CDK8: variants seen among roughly 807,000 people sequenced by gnomAD.
CDK8 encodes cyclin dependent kinase 8.
A neutral mutation model predicts 71.5 loss-of-function variants in CDK8; 29 were observed. The observed-to-expected ratio is 0.41, with a 90% CI of 0.30 to 0.55. The LOEUF is 0.55. Among genes scored for constraint, CDK8 ranks in the 20% least tolerant of loss-of-function variants. The pLI is 0.37. For missense variants in CDK8, 288 were observed against 572.6 expected (o/e 0.50, Z 5.07); for synonymous variants, 161 against 192.1 (o/e 0.84, Z 1.34).
At chr13:26,358,990 G>T (rs1245543514) in intron 4 of CDK8, 1 of 280,424 alleles carries the variant, frequency 3.6e-6, no homozygotes, top group Non-Finnish European at 7.2e-6. Flanking sequence ...TTGTGCCACT[G>T]CACTTCAGCC....
At chr13:26,345,896 G>A in intron 2 of CDK8, among the ~76,000 whole-genome samples, 1 of 152,178 alleles carries the variant, frequency 6.6e-6, no homozygotes, top group East Asian at 1.9e-4. Flanking sequence ...TATGCTAGGA[G>A]CTGGCCATGC....
chr13:26,355,858 A>C (rs1873874855), intron 4 of CDK8, among the ~76,000 whole-genome samples: 1 of 152,064 alleles, frequency 6.6e-6, no homozygotes, highest in African/African-American at 2.4e-5. Context: ...TTTTCTTGTA[A>C]ATTTTTTTTT....
intron 4 of CDK8, among the ~76,000 whole-genome samples, chr13:26,377,475 T>A (rs865829320): frequency 2.0e-5 from 3 of 152,354 alleles, no homozygotes; most frequent in Middle Eastern, 3.4e-3. Flanking sequence ...AAGTTAGGTG[T>A]TTATAAGTAA....
At chr13:26,361,325 A>G (rs1279579654) in intron 4 of CDK8, among the ~76,000 whole-genome samples, 8 of 152,188 alleles carry the variant, frequency 5.3e-5, no homozygotes, top group Non-Finnish European at 1.2e-4. Context: ...ATTACTTGTC[A>G]TAATATATTT....
chr13:26,339,198 A>G (rs1407994774), intron 2 of CDK8, among the ~76,000 whole-genome samples: 1 of 151,956 alleles, frequency 6.6e-6, no homozygotes, highest in East Asian at 1.9e-4. Context: ...ATCTGTACCC[A>G]CTGATTGTGA....
At chr13:26,368,531 C>T (rs9581653) in intron 4 of CDK8, among the ~76,000 whole-genome samples, 15,546 of 152,138 alleles carry the variant, frequency 0.1, 2,602 homozygotes, top group African/African-American at 0.35. Flanking sequence ...ACCACGGAGG[C>T]TGAGACACAT....
chr13:26,299,175 C>T (rs1001165970), intron 1 of CDK8, among the ~76,000 whole-genome samples: 1 of 152,124 alleles, frequency 6.6e-6, no homozygotes, highest in African/African-American at 2.4e-5. Flanking sequence ...ATTGTTACTT[C>T]CTTAGGAAGG....
chr13:26,264,065 A>G (rs1365245425), intron 1 of CDK8, among the ~76,000 whole-genome samples: 3 of 152,194 alleles, frequency 2.0e-5, no homozygotes, highest in Non-Finnish European at 4.4e-5. Flanking sequence ...CTTTAAGTAA[A>G]TGAGTCTCCT....
chr13:26,289,059 T>G (rs2137897997), intron 1 of CDK8, among the ~76,000 whole-genome samples: 1 of 143,786 alleles, frequency 7.0e-6, no homozygotes, highest in East Asian at 2.0e-4. Flanking sequence ...TAGTTTTTTT[T>G]TTTTTTTTTT....
chr13:26,265,530 A>G (rs893592242), intron 1 of CDK8, among the ~76,000 whole-genome samples: 5 of 152,212 alleles, frequency 3.3e-5, no homozygotes, highest in African/African-American at 1.2e-4. Flanking sequence ...TTTATAAGGA[A>G]GACGGTGCTG....
At chr13:26,283,653 A>G (rs1022031619) in intron 1 of CDK8, among the ~76,000 whole-genome samples, 1 of 151,936 alleles carries the variant, frequency 6.6e-6, no homozygotes, top group Admixed American at 6.6e-5. Flanking sequence ...TAATCCCAGC[A>G]CTTTGGGAGG....
chr13:26,376,658 T>G (rs1250942320), intron 4 of CDK8, among the ~76,000 whole-genome samples: 2 of 152,186 alleles, frequency 1.3e-5, no homozygotes, highest in Non-Finnish European at 1.5e-5. Flanking sequence ...AAATGATCTT[T>G]GTGTCAGTGA....
At chr13:26,320,285 C>T (rs979573684) in intron 1 of CDK8, among the ~76,000 whole-genome samples, 6 of 151,806 alleles carry the variant, frequency 4.0e-5, no homozygotes, top group East Asian at 3.9e-4. Flanking sequence ...GTAGTACACA[C>T]CTGTAGTTCC....
intron 1 of CDK8, among the ~76,000 whole-genome samples, chr13:26,280,171 T>G (rs1022061472): frequency 2.6e-5 from 4 of 152,222 alleles, no homozygotes; most frequent in African/African-American, 7.2e-5. Flanking sequence ...TGTTAAATAA[T>G]TACGTGTAAA....
chr13:26,279,989 A>G (rs572707521), intron 1 of CDK8, among the ~76,000 whole-genome samples: 13 of 148,620 alleles, frequency 8.7e-5, no homozygotes, highest in East Asian at 7.8e-4. Flanking sequence ...GTGTGTGTGT[A>G]TGTGTGTGTA....
At position 26,396,370 on chromosome 13, in the gene CDK8, A is replaced by AG; in HGVS notation, c.860+17dup. On this transcript the variant is annotated intron_variant, in intron 8 of 12. Coordinates refer to ENST00000381527, the MANE Select transcript of CDK8 (RefSeq NM_001260.3). ...GAAGAAATACGTAAGTTGGAAAAAA[A>AG]GAGACTCCTTGTTGATTTTTGCTTT... 7.8e-7 allele frequency: 1 copy of AG among 1,289,444 alleles called. No individual in the cohort carries two copies. The highest frequency in any genetic ancestry group is 1.1e-6 in the Non-Finnish European group (1 of 923,730). 79.9% of individuals were successfully genotyped at this position (1,289,444 alleles called of 1,614,324 possible). A position where few individuals can be genotyped will look rare whatever the true frequency, so the allele number is the denominator to read the frequency against.
At chr13:26,354,617 T>C (rs79655305) in intron 4 of CDK8, among the ~76,000 whole-genome samples, 9,004 of 152,198 alleles carry the variant, frequency 0.059, 894 homozygotes, top group African/African-American at 0.2. Flanking sequence ...TAGATTCTCA[T>C]AGGAGCCAGA....
chr13:26,261,071 C>G lies in CDK8; in HGVS notation c.128+6302C>G, dbSNP rs112255502. 8.8e-3 allele frequency among the ~76,000 whole-genome samples: 1,348 copies of G among 152,320 alleles called. 21 individuals carry two copies. The highest frequency in any genetic ancestry group is 0.031 in the African/African-American group (1,293 of 41,558). The stretch of plus-strand genomic sequence containing the variant: ...CTTAGAAATTATCTTTTCTCTTTAG[C>G]AATCTTTTATCACCTCAAGGCAGCT... On this transcript the variant is annotated intron_variant, in intron 1 of 12. Transcript: ENST00000381527.
rs199500661 is a variant in CDK8, at chr13:26,396,263, A to C, written c.791-22A>C. 3.2e-4 allele frequency: 340 copies of C among 1,078,032 alleles called. 2 individuals carry two copies. Among genetic ancestry groups the C allele is most frequent in the Non-Finnish European group, 4.5e-5 (34 of 755,774 alleles). 66.8% of individuals were successfully genotyped at this position (1,078,032 alleles called of 1,614,324 possible). On this transcript the variant is annotated intron_variant, in intron 7 of 12. Transcript: ENST00000381527. Reference sequence around the variant, plus strand: ...AGAATAGGAACTTAGGCAACATAAAAATTTATCAATGTATTTCACAGATAA... The same window carrying C: ...AGAATAGGAACTTAGGCAACATAAACATTTATCAATGTATTTCACAGATAA...
Sources: allele counts gnomAD v4.1 joint callset (sites outside exome capture counted in the v4.1 genomes callset), GRCh38; gene constraint gnomAD v4.1.1; transcripts MANE v1.5; gene names NCBI Gene and HGNC (gene_info 2026-07-23, HGNC 2026-07-21).